Variants in PTPRG observed in about 807,000 individuals in gnomAD.
PTPRG encodes protein tyrosine phosphatase receptor type G, also known as receptor-type tyrosine-protein phosphatase gamma.
PTPRG carries 102 observed loss-of-function variants against 165.3 expected under a neutral mutation model. The ratio of observed to expected loss-of-function variants is 0.62; its 90% CI spans 0.53 to 0.73. The LOEUF (loss-of-function observed/expected upper bound fraction) is 0.73. Ranked by LOEUF, PTPRG falls within the 30% of genes least tolerant of loss-of-function variation. PTPRG has a pLI of 0.00. For missense variants in PTPRG, 1,866 were observed against 1,861.4 expected (o/e 1.00, Z -0.05); for synonymous variants, 675 against 669.5 (o/e 1.01, Z -0.13).
At chr3:61,662,228 CATA>C (rs1179154077) in intron 1 of PTPRG, among the ~76,000 whole-genome samples, 1 of 152,282 alleles carries the variant, frequency 6.6e-6, no homozygotes, top group Admixed American at 6.5e-5. Context: ...TCCTGATGAA[CATA>C]ATAAGGTTGA....
At position 62,213,467 on chromosome 3, in the gene PTPRG, T is replaced by G. The variant is rs1055213311; in HGVS notation, c.2156-5384T>G. On this transcript the variant is annotated intron_variant, in intron 12 of 29. Transcript: ENST00000474889. This position sits in a 1 kb window ranked among gnomAD's most constrained non-coding sequence, Gnocchi z 4.4. ...ATAAGTTACATAGCCATAACTTACATAGTCTGTTTTCACACGGACGATCTT... is the reference window on the plus strand; with the variant it reads ...ATAAGTTACATAGCCATAACTTACAGAGTCTGTTTTCACACGGACGATCTT... Among the ~76,000 whole-genome samples, 1 of 152,194 alleles carries G rather than the reference T, an allele frequency of 6.6e-6. No homozygotes were observed. The highest frequency in any genetic ancestry group is 2.4e-5 in the African/African-American group (1 of 41,446).
chr3:62,094,130 C>T (rs931698351), intron 5 of PTPRG, among the ~76,000 whole-genome samples: 17 of 152,144 alleles, frequency 1.1e-4, no homozygotes, highest in African/African-American at 3.9e-4. Flanking sequence ...CAATGATTTG[C>T]CCAGGGCCAC....
chr3:62,082,842 C>T (rs756245090), intron 5 of PTPRG, among the ~76,000 whole-genome samples: 3 of 152,164 alleles, frequency 2.0e-5, no homozygotes, highest in East Asian at 1.9e-4. Context: ...CTAGAAGGTG[C>T]GCTCCCTTCG....
intron 1 of PTPRG, among the ~76,000 whole-genome samples, chr3:61,654,966 T>TA (rs1702469652): frequency 6.6e-6 from 1 of 151,562 alleles, no homozygotes. Flanking sequence ...ATTTTTTTTT[T>TA]AGTAGAGACG....
At chr3:61,849,786 G>C (rs532011792) in intron 2 of PTPRG, among the ~76,000 whole-genome samples, 79 of 152,296 alleles carry the variant, frequency 5.2e-4, no homozygotes, top group Non-Finnish European at 6.8e-4. Context: ...GGAAGGACTG[G>C]GGTGCTTAAC....
chr3:61,834,895 T>C (rs2036415479), intron 2 of PTPRG, among the ~76,000 whole-genome samples: 1 of 152,186 alleles, frequency 6.6e-6, no homozygotes, highest in Non-Finnish European at 1.5e-5. Flanking sequence ...GCAAACATAT[T>C]GGGAATCCAG....
chr3:62,011,504 T>G (rs144790242), intron 4 of PTPRG, among the ~76,000 whole-genome samples: 1 of 152,196 alleles, frequency 6.6e-6, no homozygotes, highest in Non-Finnish European at 1.5e-5. Context: ...TGGTGTTTGC[T>G]ATTCTGTGGT....
intron 8 of PTPRG, among the ~76,000 whole-genome samples, chr3:62,186,441 G>C (rs889364982): frequency 2.0e-5 from 3 of 152,148 alleles, no homozygotes; most frequent in African/African-American, 4.8e-5. Context: ...AGGTGGGTAG[G>C]TGGTGAGGAC....
In PTPRG at chr3:62,219,485, G is replaced by A. The variant is rs1700597934; in HGVS notation, c.2288+502G>A. Among the ~76,000 whole-genome samples, 1 of 152,178 alleles carries A rather than the reference G, an allele frequency of 6.6e-6. No homozygotes were observed. The highest frequency in any genetic ancestry group is 2.4e-5 in the African/African-American group (1 of 41,440). On this transcript the variant is annotated intron_variant, in intron 13 of 29. Transcript: ENST00000474889. This position sits in a 1 kb window ranked among gnomAD's most constrained non-coding sequence, Gnocchi z 4.5. ...GCATATTATGTGGTATTTAATATAT[G>A]TAAGATTAAAATGGCAGATTGTAAG...
At chr3:61,990,898 C>CTT in intron 3 of PTPRG, among the ~76,000 whole-genome samples, 2 of 106,550 alleles carry the variant, frequency 1.9e-5, no homozygotes, top group Admixed American at 8.8e-5. Flanking sequence ...CACAAAGTTG[C>CTT]CTTTTTTTTT....
chr3:61,899,721 G>C (rs1373725233), intron 2 of PTPRG, among the ~76,000 whole-genome samples: 1 of 152,186 alleles, frequency 6.6e-6, no homozygotes, highest in African/African-American at 2.4e-5. Flanking sequence ...TTTGGGGGCA[G>C]GGGGACAGGC....
At chr3:62,119,542 A>G (rs998328002) in intron 5 of PTPRG, among the ~76,000 whole-genome samples, 1 of 152,184 alleles carries the variant, frequency 6.6e-6, no homozygotes, top group African/African-American at 2.4e-5. Flanking sequence ...GGAAGAATCC[A>G]GAGGTCGGCT....
chr3:61,827,305 A>C (rs531774829), intron 2 of PTPRG, among the ~76,000 whole-genome samples: 1 of 152,234 alleles, frequency 6.6e-6, no homozygotes, highest in East Asian at 1.9e-4. Flanking sequence ...AGTATGTGGT[A>C]AATATAGGGC....
At chr3:61,664,483 T>A (rs1702752143) in intron 1 of PTPRG, among the ~76,000 whole-genome samples, 1 of 152,222 alleles carries the variant, frequency 6.6e-6, no homozygotes, top group Non-Finnish European at 1.5e-5. Context: ...TAAAAACAAT[T>A]CACTTCTACC....
At chr3:61,787,304 T>G (rs2034735719) in intron 2 of PTPRG, among the ~76,000 whole-genome samples, 1 of 152,176 alleles carries the variant, frequency 6.6e-6, no homozygotes, top group Non-Finnish European at 1.5e-5. Flanking sequence ...CTGGAAAGAA[T>G]CCGGAAACAA....
chr3:62,268,307 T>G (rs898120755), intron 19 of PTPRG, among the ~76,000 whole-genome samples: 1 of 151,966 alleles, frequency 6.6e-6, no homozygotes. Context: ...TTTAAAAAAA[T>G]GATTAGTGCT....
At chr3:61,776,265 C>G (rs1452277611) in intron 2 of PTPRG, among the ~76,000 whole-genome samples, 1 of 151,938 alleles carries the variant, frequency 6.6e-6, no homozygotes, top group Non-Finnish European at 1.5e-5. Context: ...AGTCTTTGGT[C>G]AGTTTATTTC....
chr3:61,766,401 A>G (rs983101780), intron 2 of PTPRG, among the ~76,000 whole-genome samples: 1 of 152,012 alleles, frequency 6.6e-6, no homozygotes, highest in Non-Finnish European at 1.5e-5. Flanking sequence ...TTGACAAGAG[A>G]CTTTATTTTT....
At chr3:62,166,448 T>C (rs1704989285) in intron 7 of PTPRG, among the ~76,000 whole-genome samples, 1 of 151,720 alleles carries the variant, frequency 6.6e-6, no homozygotes, top group Non-Finnish European at 1.5e-5. Context: ...GCAATTCTCA[T>C]GCCTCAGCCT....
Sources: gnomAD v4.1 joint callset for allele counts (sites outside exome capture counted in the v4.1 genomes callset) on GRCh38, gnomAD v4.1.1 for gene constraint, Gnocchi (gnomAD v3.1) non-coding constraint, MANE v1.5 for transcripts, NCBI Gene and HGNC (gene_info 2026-07-23, HGNC 2026-07-21) for gene names.